The following G3BP2 variants were observed in gnomAD, a reference collection of about 807,000 sequenced individuals.
The protein encoded by G3BP2 is ras GTPase-activating protein-binding protein 2.
G3BP2 carries 11 observed loss-of-function variants against 56.7 expected under a neutral mutation model. The observed-to-expected ratio is 0.19, with a 90% CI of 0.12 to 0.32. The LOEUF is 0.32. G3BP2 is among the 10% of genes least tolerant of loss of function. G3BP2 has a pLI of 1.00. For synonymous variants in G3BP2, 165 were observed against 191.6 expected (o/e 0.86, Z 1.15); for missense variants, 340 against 610.9 (o/e 0.56, Z 4.67).
chr4:75,665,663 A>T (rs921662788), intron 1 of G3BP2, among the ~76,000 whole-genome samples: 3 of 106,058 alleles, frequency 2.8e-5, no homozygotes, highest in Non-Finnish European at 5.6e-5. Context: ...ACAAACACAC[A>T]CACACACACA....
intron 3 of G3BP2, among the ~76,000 whole-genome samples, chr4:75,706,503 C>G (rs1470743442): frequency 6.6e-6 from 1 of 152,036 alleles, no homozygotes; most frequent in African/African-American, 2.4e-5. Flanking sequence ...CATGGAGAAA[C>G]CCCATGTCTA....
In G3BP2 at chr4:75,662,082, A is replaced by T. The variant is rs190419936; in HGVS notation, c.-24-33T>A. 2.8e-4 allele frequency: 337 copies of T among 1,218,526 alleles called. 4 individuals are homozygous for T. The East Asian group carries it at 5.1e-3, about 19-fold the overall frequency. The allele number at this position is 1,218,526 out of a possible 1,614,324, so 75.5% of individuals were successfully genotyped here. ...AGCAAACACAAGAATAACTATTAAA[A>T]AGTCATCTTTGTCATCAACCACCAT... On this transcript the variant is annotated intron_variant, in intron 1 of 11. Coordinates refer to ENST00000359707, the MANE Select transcript of G3BP2 (RefSeq NM_203505.3).
chr4:75,682,463 T>C (rs1734118647), intron 3 of G3BP2, among the ~76,000 whole-genome samples: 1 of 151,510 alleles, frequency 6.6e-6, no homozygotes, highest in African/African-American at 2.4e-5. Context: ...GAGTTTTCCA[T>C]GTAATATTTT....
chr4:75,668,095 A>G (rs545512850), intron 1 of G3BP2, among the ~76,000 whole-genome samples: 2 of 152,296 alleles, frequency 1.3e-5, no homozygotes, highest in Admixed American at 6.5e-5. Context: ...ATTTGTCACC[A>G]TATTTTCTGA....
intron 3 of G3BP2, among the ~76,000 whole-genome samples, chr4:75,710,995 C>T (rs1019026778): frequency 6.6e-5 from 10 of 152,068 alleles, no homozygotes; most frequent in African/African-American, 1.9e-4. Flanking sequence ...TATCCTTTCT[C>T]ACCATTCCTA....
chr4:75,644,483 A>G lies in G3BP2; in HGVS notation c.*947T>C, dbSNP rs1429545542. 4 of 152,672 alleles carry G rather than the reference A, an allele frequency of 2.6e-5. No homozygotes were observed. The highest frequency in any genetic ancestry group is 5.9e-5 in the Non-Finnish European group (4 of 68,036). 9.5% of individuals were successfully genotyped at this position (152,672 alleles called of 1,614,324 possible). On this transcript the variant is annotated 3_prime_UTR_variant, in exon 12 of 12. Coordinates refer to ENST00000359707, the MANE Select transcript of G3BP2 (RefSeq NM_203505.3). ...GGCTTTGCAGCACAGCAATTCATAC[A>G]CTATACTGTACAAAATTACCAGCAA... is the stretch of plus-strand genomic sequence containing the variant.
intron 3 of G3BP2, among the ~76,000 whole-genome samples, chr4:75,705,466 T>C (rs1426114669): frequency 2.0e-5 from 3 of 152,250 alleles, no homozygotes; most frequent in Admixed American, 6.5e-5. Context: ...CTCTAGTCGC[T>C]TCCCTGTGGT....
intron 3 of G3BP2, among the ~76,000 whole-genome samples, chr4:75,700,937 C>T (rs1719319467): frequency 6.6e-6 from 1 of 152,008 alleles, no homozygotes; most frequent in South Asian, 2.1e-4. Flanking sequence ...CTACTGGGTT[C>T]AAGCGATTCT....
chr4:75,667,925 T>A (rs1487193589), intron 1 of G3BP2, among the ~76,000 whole-genome samples: 1 of 152,102 alleles, frequency 6.6e-6, no homozygotes. Context: ...TCCAGTATAG[T>A]TTAGAGGCTT....
chr4:75,672,046 A>T (rs918747525), intron 1 of G3BP2, among the ~76,000 whole-genome samples: 4 of 152,236 alleles, frequency 2.6e-5, no homozygotes, highest in Non-Finnish European at 5.9e-5. Flanking sequence ...GAAAGACCAG[A>T]ACAAGGTACA....
intron 3 of G3BP2, among the ~76,000 whole-genome samples, chr4:75,708,380 C>G (rs567426434): frequency 6.6e-6 from 1 of 152,278 alleles, no homozygotes; most frequent in South Asian, 2.1e-4. Flanking sequence ...GACAGGGATC[C>G]CCGTGAGCTG....
chr4:75,681,078 C>A (rs558396708), intron 3 of G3BP2, among the ~76,000 whole-genome samples: 1 of 151,608 alleles, frequency 6.6e-6, no homozygotes, highest in Non-Finnish European at 1.5e-5. Context: ...TAACCCAGCA[C>A]TTTGGGAGGC....
At chr4:75,722,232 T>C (rs1373925180) in exon 2 of G3BP2, among the ~76,000 whole-genome samples, 1 of 152,168 alleles carries the variant, frequency 6.6e-6, no homozygotes, top group Non-Finnish European at 1.5e-5. Context: ...CCATCACTCC[T>C]GTGCAGGGGA....
At chr4:75,669,890 C>T (rs554553091) in intron 1 of G3BP2, among the ~76,000 whole-genome samples, 1 of 152,162 alleles carries the variant, frequency 6.6e-6, no homozygotes, top group East Asian at 1.9e-4. Context: ...GTCAGGAGTT[C>T]GAGACCAGCC....
intron 3 of G3BP2, among the ~76,000 whole-genome samples, chr4:75,688,730 G>C (rs1718725748): frequency 6.6e-6 from 1 of 152,102 alleles, no homozygotes; most frequent in African/African-American, 2.4e-5. Context: ...AATTCCACAG[G>C]GAACAGATTT....
At chr4:75,659,606 T>C (rs1732387708) in intron 2 of G3BP2, among the ~76,000 whole-genome samples, 1 of 152,232 alleles carries the variant, frequency 6.6e-6, no homozygotes, top group Non-Finnish European at 1.5e-5. Context: ...ACACAACTCC[T>C]ATAGTAATAA....
Position 75,646,452 on chromosome 4 carries a change from A to G in G3BP2, c.1062T>C (p.Phe354=). Residue 354 remains phenylalanine, a synonymous_variant, in exon 11 of 12, where the codon TTT becomes TTC. Coordinates refer to ENST00000359707, the MANE Select transcript of G3BP2 (RefSeq NM_203505.3). ...ENELKEFFMS[F]GNVVELRINT... ...TGATGCGAAGTTCCACAACGTTTCC[A>G]AAACCTGTGAAAATATACATTACAT... 3.2e-6 allele frequency: 5 copies of G among 1,543,438 alleles called. No individual in the cohort carries two copies. Among genetic ancestry groups the G allele is most frequent in the Non-Finnish European group, 4.5e-6 (5 of 1,116,104 alleles).
intron 3 of G3BP2, among the ~76,000 whole-genome samples, chr4:75,682,389 C>G (rs1363465266): frequency 6.8e-6 from 1 of 146,632 alleles, no homozygotes; most frequent in Non-Finnish European, 1.5e-5. Flanking sequence ...GCACTCCGGC[C>G]TTGTGACAGA....
intron 3 of G3BP2, among the ~76,000 whole-genome samples, chr4:75,712,571 A>G (rs1719798700): frequency 1.3e-5 from 2 of 152,208 alleles, no homozygotes; most frequent in African/African-American, 2.4e-5. Context: ...CAAAGAATCA[A>G]TACAACATAT....
Sources: gnomAD v4.1 joint callset for allele counts (sites outside exome capture counted in the v4.1 genomes callset) on GRCh38, gnomAD v4.1.1 for gene constraint, MANE v1.5 for transcripts, NCBI Gene and HGNC (gene_info 2026-07-23, HGNC 2026-07-21) for gene names.